Variants in GDPD4 observed in about 807,000 individuals in gnomAD.
GDPD4 encodes glycerophosphodiester phosphodiesterase 6.
Under a neutral mutation model 67.8 loss-of-function variants are expected in GDPD4, and 60 were observed. That is an observed-to-expected ratio of 0.88 (90% CI 0.72 to 1.10). The LOEUF (loss-of-function observed/expected upper bound fraction) is 1.10, where lower values mean the gene tolerates loss of function less well. GDPD4 is among the 50% of genes least tolerant of loss of function. The pLI, the probability that GDPD4 is intolerant of heterozygous loss-of-function variation, is 0.00. For synonymous variants in GDPD4, 212 were observed against 210.9 expected (o/e 1.00, Z -0.04); for missense variants, 623 against 613.9 (o/e 1.01, Z -0.16).
chr11:77,220,816 C>T (rs1007606443), intron 16 of GDPD4, among the ~76,000 whole-genome samples: 3 of 150,640 alleles, frequency 2.0e-5, no homozygotes, highest in African/African-American at 7.3e-5. Context: ...TAGAATTCAG[C>T]TGTGAATCCG....
chr11:77,239,119 A>G (rs1446863323), intron 13 of GDPD4, among the ~76,000 whole-genome samples: 1 of 152,242 alleles, frequency 6.6e-6, no homozygotes, highest in Non-Finnish European at 1.5e-5. Context: ...ATAGATATAG[A>G]AAAAGCGTTT....
chr11:77,280,000 A>T (rs1959684686), intron 3 of GDPD4, among the ~76,000 whole-genome samples: 1 of 152,194 alleles, frequency 6.6e-6, no homozygotes, highest in Admixed American at 6.5e-5. Flanking sequence ...GAGAAATTAA[A>T]TTTTTTAAGA....
At chr11:77,279,540 T>TTTTTTTTTTTTTTTTTTTTTGAGAC (rs1555124920) in intron 3 of GDPD4, 141 bp from the exon 4 acceptor site, 13 of 522,152 alleles carry the variant, frequency 2.5e-5, no homozygotes, top group Non-Finnish European at 3.2e-5. Context: ...CAGCAGCTTT[T>TTTTTTTTTTTTTTTTTTTTTGAGAC]GCGGATAATT....
chr11:77,243,925 A>G, intron 12 of GDPD4, 77 bp from the exon 13 acceptor site: 2 of 973,466 alleles, frequency 2.1e-6, no homozygotes, highest in Non-Finnish European at 3.2e-6. Context: ...GAATGGAGGG[A>G]GCTCCATTCC....
intron 16 of GDPD4, among the ~76,000 whole-genome samples, chr11:77,217,717 C>CA (rs1258587266): frequency 2.6e-5 from 4 of 152,062 alleles, no homozygotes; most frequent in African/African-American, 4.8e-5. Flanking sequence ...AAGTGTTTGT[C>CA]ACACAGTAAA....
chr11:77,252,475 A>G (rs1021958431), intron 11 of GDPD4, among the ~76,000 whole-genome samples: 1 of 152,070 alleles, frequency 6.6e-6, no homozygotes, highest in African/African-American at 2.4e-5. Context: ...AGTTTCCTTA[A>G]GGTAATTATT....
intron 13 of GDPD4, among the ~76,000 whole-genome samples, chr11:77,237,545 AG>A (rs1392916547): frequency 2.0e-5 from 3 of 152,254 alleles, no homozygotes; most frequent in Non-Finnish European, 2.9e-5. Context: ...CCATATAGTG[AG>A]CCATAAAATA....
intron 16 of GDPD4, among the ~76,000 whole-genome samples, chr11:77,227,138 G>A (rs1270901616): frequency 1.3e-5 from 2 of 152,170 alleles, no homozygotes; most frequent in Non-Finnish European, 2.9e-5. Flanking sequence ...AACTTACTGT[G>A]TGATCATCCT....
At chr11:77,256,451 CTG>C (rs1490492338) in intron 11 of GDPD4, among the ~76,000 whole-genome samples, 22 of 152,164 alleles carry the variant, frequency 1.4e-4, no homozygotes, top group Admixed American at 1.0e-3. Flanking sequence ...GACAAATATT[CTG>C]AGTAACTACA....
chr11:77,259,477 C>A (rs1182798300), intron 10 of GDPD4, among the ~76,000 whole-genome samples: 2 of 151,752 alleles, frequency 1.3e-5, no homozygotes, highest in African/African-American at 2.4e-5. Context: ...CTGCTATAAG[C>A]CACTAGAAAA....
chr11:77,292,830 T>C (rs1937825077), intron 1 of GDPD4, among the ~76,000 whole-genome samples: 1 of 152,138 alleles, frequency 6.6e-6, no homozygotes, highest in Non-Finnish European at 1.5e-5. Context: ...TTCATTCCCA[T>C]AAATTCTATA....
At chr11:77,224,761 G>C (rs1224575295) in intron 16 of GDPD4, among the ~76,000 whole-genome samples, 1 of 152,154 alleles carries the variant, frequency 6.6e-6, no homozygotes, top group Admixed American at 6.5e-5. Context: ...CATTTGTATA[G>C]TGTTAAGCTG....
chr11:77,245,780 C>T (rs1329000042), intron 11 of GDPD4, among the ~76,000 whole-genome samples: 2 of 152,152 alleles, frequency 1.3e-5, no homozygotes, highest in East Asian at 1.9e-4. Flanking sequence ...CCTTCTCTCC[C>T]ATAAGTCAAG....
intron 10 of GDPD4, among the ~76,000 whole-genome samples, chr11:77,264,739 A>G (rs1432457203): frequency 6.6e-6 from 1 of 152,064 alleles, no homozygotes; most frequent in Non-Finnish European, 1.5e-5. Flanking sequence ...GAACTGAGAG[A>G]AGGCAAAGAA....
At chr11:77,237,694 C>A (rs904934296) in intron 13 of GDPD4, among the ~76,000 whole-genome samples, 4 of 152,226 alleles carry the variant, frequency 2.6e-5, no homozygotes, top group Non-Finnish European at 4.4e-5. Flanking sequence ...TAGCAATACA[C>A]TTCCAAATAA....
At chr11:77,287,172 TC>T (rs1960028721) in intron 2 of GDPD4, 45 bp downstream of exon 2, 1 of 152,114 alleles carries the variant, frequency 6.6e-6, no homozygotes, top group Non-Finnish European at 1.5e-5. Flanking sequence ...CAGCCTATGC[TC>T]CCCGCATCTG....
At chr11:77,243,592 G>C in intron 13 of GDPD4, 102 bp downstream of exon 13, 1 of 1,034,258 alleles carries the variant, frequency 9.7e-7, no homozygotes, top group South Asian at 1.3e-5. Flanking sequence ...ACCACACACA[G>C]AAATTCCGAG....
chr11:77,289,803 A>AGGAG (rs1181909892), intron 1 of GDPD4, among the ~76,000 whole-genome samples: 1 of 95,336 alleles, frequency 1.0e-5, no homozygotes, highest in Non-Finnish European at 2.1e-5. Flanking sequence ...GAGAGAGAGA[A>AGGAG]GGAGGGAGGG....
rs1483946034 is a variant in GDPD4 at position 77,233,124 on chromosome 11, C to T, written c.1290G>A (p.Glu430=). The T allele has an allele frequency of 1.2e-6, 2 of 1,614,042 alleles. No homozygotes were observed. Among genetic ancestry groups the T allele is most frequent in the East Asian group, 4.5e-5 (2 of 44,888 alleles). The part of the protein sequence containing the change: ...NIHINVYTVN[E]PWLFSLAWCS... ...ACCAGGCCAGTGAGAAAAGCCAAGG[C>T]TCATTGACGGTGTATACGTTGATAT... Residue 430 remains glutamate, a synonymous_variant, in exon 14 of 17, where the codon GAG becomes GAA. Transcript: ENST00000315938.
Sources: gnomAD v4.1 joint callset for allele counts (sites outside exome capture counted in the v4.1 genomes callset) on GRCh38, gnomAD v4.1.1 for gene constraint, MANE v1.5 for transcripts, NCBI Gene and HGNC (gene_info 2026-07-23, HGNC 2026-07-21) for gene names.